EIPR1: variants seen among roughly 807,000 people sequenced by gnomAD.
EIPR1 encodes EARP and GARP complex-interacting protein 1.
Under a neutral mutation model 48.1 loss-of-function variants are expected in EIPR1, and 25 were observed. That is an observed-to-expected ratio of 0.52 (90% CI 0.38 to 0.73). EIPR1 has a LOEUF of 0.73. EIPR1 is among the 30% of genes least tolerant of loss of function. EIPR1 has a pLI of 0.00. For missense variants in EIPR1, 415 were observed against 506.2 expected (o/e 0.82, Z 1.73); for synonymous variants, 204 against 201.9 (o/e 1.01, Z -0.09).
At chr2:3,330,574 C>T (rs912555932) in intron 3 of EIPR1, among the ~76,000 whole-genome samples, 20 of 104,272 alleles carry the variant, frequency 1.9e-4, no homozygotes, top group African/African-American at 4.8e-4. Context: ...CGCACACTCA[C>T]GAGACAGTGT....
intron 3 of EIPR1, among the ~76,000 whole-genome samples, chr2:3,277,621 T>C (rs541275329): frequency 6.6e-6 from 1 of 152,358 alleles, no homozygotes; most frequent in African/African-American, 2.4e-5. Context: ...CCTTTTCTCA[T>C]TAATTAAGTG....
intron 3 of EIPR1, among the ~76,000 whole-genome samples, chr2:3,289,426 G>A (rs934671124): frequency 6.6e-6 from 1 of 152,192 alleles, no homozygotes; most frequent in East Asian, 1.9e-4. Context: ...GTCCTCTGTG[G>A]GAGAAGGGCA....
chr2:3,202,024 A>C (rs575879726), intron 5 of EIPR1, among the ~76,000 whole-genome samples: 7 of 152,206 alleles, frequency 4.6e-5, no homozygotes, highest in South Asian at 2.1e-4. Flanking sequence ...GCAAGCTCCA[A>C]TTCCCGGGGT....
chr2:3,250,502 T>C (rs1666969229), intron 4 of EIPR1, among the ~76,000 whole-genome samples: 1 of 152,156 alleles, frequency 6.6e-6, no homozygotes, highest in African/African-American at 2.4e-5. Flanking sequence ...GATTTTTGAG[T>C]TGGGGCTGGA....
chr2:3,311,822 C>T (rs189148260), intron 3 of EIPR1, among the ~76,000 whole-genome samples: 1 of 151,776 alleles, frequency 6.6e-6, no homozygotes, highest in Admixed American at 6.6e-5. Context: ...GGGGGCTCTA[C>T]TCTGGGGCAC....
chr2:3,375,865 C>G (rs916837925), intron 1 of EIPR1, among the ~76,000 whole-genome samples: 2 of 152,212 alleles, frequency 1.3e-5, no homozygotes, highest in African/African-American at 4.8e-5. Flanking sequence ...AGAGCTAAAT[C>G]ACTGGTAGTT....
intron 1 of EIPR1, among the ~76,000 whole-genome samples, chr2:3,373,791 T>G (rs1263151297): frequency 6.6e-6 from 1 of 151,382 alleles, no homozygotes; most frequent in African/African-American, 2.4e-5. Flanking sequence ...ATCGTGAAAA[T>G]GGCCATACTG....
chr2:3,335,843 C>T (rs912820072), intron 3 of EIPR1, among the ~76,000 whole-genome samples: 16 of 152,150 alleles, frequency 1.1e-4, no homozygotes, highest in South Asian at 2.1e-4. Context: ...TTCCTGAGGC[C>T]GCCCAGTCAT....
intron 3 of EIPR1, among the ~76,000 whole-genome samples, chr2:3,333,332 C>A (rs1372516287): frequency 6.6e-6 from 1 of 152,140 alleles, no homozygotes. Flanking sequence ...GACAAATAAC[C>A]AATAGCCACG....
At chr2:3,269,852 G>A (rs1017787168) in intron 3 of EIPR1, among the ~76,000 whole-genome samples, 14 of 152,342 alleles carry the variant, frequency 9.2e-5, no homozygotes, top group Middle Eastern at 6.8e-3. Flanking sequence ...TGCCCTTGGC[G>A]CAGCTGCATT....
intron 3 of EIPR1, among the ~76,000 whole-genome samples, chr2:3,278,449 G>A (rs1019005774): frequency 6.6e-5 from 10 of 152,216 alleles, no homozygotes; most frequent in East Asian, 1.9e-4. Context: ...CCCTCCCTCC[G>A]TGCAGAGCTG....
At chr2:3,263,537 T>C (rs1198278185) in intron 3 of EIPR1, among the ~76,000 whole-genome samples, 2 of 152,162 alleles carry the variant, frequency 1.3e-5, no homozygotes, top group South Asian at 2.1e-4. Flanking sequence ...AACTGCACTA[T>C]ACAACAAGCA....
At chr2:3,332,425 G>C (rs1669927901) in intron 3 of EIPR1, among the ~76,000 whole-genome samples, 1 of 152,210 alleles carries the variant, frequency 6.6e-6, no homozygotes, top group Non-Finnish European at 1.5e-5. Flanking sequence ...GCTTCTTCCA[G>C]GTGGCAACAC....
intron 3 of EIPR1, among the ~76,000 whole-genome samples, chr2:3,269,263 GTCATGGCACTCA>G (rs1667595504): frequency 7.0e-5 from 6 of 86,192 alleles, no homozygotes; most frequent in African/African-American, 2.2e-4. Flanking sequence ...ATCGCACTCA[GTCATGGCACTCA>G]GTCATGGCAC....
At chr2:3,247,893 A>T (rs1666880745) in intron 4 of EIPR1, among the ~76,000 whole-genome samples, 1 of 152,204 alleles carries the variant, frequency 6.6e-6, no homozygotes, top group Non-Finnish European at 1.5e-5. Context: ...CAATTTCTGT[A>T]ACAGTCAAAG....
At chr2:3,375,085 G>A (rs1398484232) in intron 1 of EIPR1, among the ~76,000 whole-genome samples, 4 of 151,052 alleles carry the variant, frequency 2.6e-5, no homozygotes, top group Admixed American at 2.6e-4. Flanking sequence ...TTGTAGGGAC[G>A]TGGATGAAAT....
intron 3 of EIPR1, among the ~76,000 whole-genome samples, chr2:3,333,469 G>A (rs1047374889): frequency 6.6e-6 from 1 of 152,122 alleles, no homozygotes; most frequent in Non-Finnish European, 1.5e-5. Context: ...CAGGTGTGGT[G>A]GCTCACAGCT....
At chr2:3,365,722 A>G (rs1670956285) in intron 1 of EIPR1, among the ~76,000 whole-genome samples, 1 of 151,070 alleles carries the variant, frequency 6.6e-6, no homozygotes. Context: ...CATCTGTTTA[A>G]CAAAGCACAT....
At chr2:3,362,003 C>G (rs1282349437) in intron 1 of EIPR1, among the ~76,000 whole-genome samples, 1 of 152,248 alleles carries the variant, frequency 6.6e-6, no homozygotes, top group Non-Finnish European at 1.5e-5. Context: ...TGGCATGCTC[C>G]CTTTTCTGTA....
Sources: allele counts gnomAD v4.1 joint callset (sites outside exome capture counted in the v4.1 genomes callset), GRCh38; gene constraint gnomAD v4.1.1; transcripts MANE v1.5; gene names NCBI Gene and HGNC (gene_info 2026-07-23, HGNC 2026-07-21).